Variants in YWHAE observed in about 807,000 individuals in gnomAD.
YWHAE encodes the protein 14-3-3 protein epsilon.
Under a neutral mutation model 30.1 loss-of-function variants are expected in YWHAE, and 4 were observed. The observed-to-expected ratio is 0.13, with a 90% CI of 0.07 to 0.30. The LOEUF is 0.30. Among genes scored for constraint, YWHAE ranks in the 10% least tolerant of loss-of-function variants. The pLI is 1.00. For missense variants in YWHAE, 121 were observed against 315.9 expected, an observed-to-expected ratio of 0.38 and a Z score of 4.68; for synonymous variants, 118 against 111.8, an observed-to-expected ratio of 1.06 and a Z score of -0.35.
chr17:1,388,578 T>G (rs1379927174), intron 1 of YWHAE, among the ~76,000 whole-genome samples: 1 of 147,736 alleles, frequency 6.8e-6, no homozygotes, highest in Non-Finnish European at 1.5e-5. Flanking sequence ...CCCAGCCTTT[T>G]TTTTTTTTTT....
intron 5 of YWHAE, among the ~76,000 whole-genome samples, chr17:1,353,028 A>C (rs573855521): frequency 6.6e-6 from 1 of 152,316 alleles, no homozygotes; most frequent in South Asian, 2.1e-4. Flanking sequence ...ATTTCCTTTA[A>C]AATCAACAAA....
At chr17:1,349,484 A>G (rs1387542581) in intron 5 of YWHAE, among the ~76,000 whole-genome samples, 5 of 152,244 alleles carry the variant, frequency 3.3e-5, no homozygotes, top group African/African-American at 1.2e-4. Context: ...GAACTATTTC[A>G]TGACTGGAAG....
At chr17:1,370,338 A>G (rs62087941) in intron 1 of YWHAE, among the ~76,000 whole-genome samples, 42,045 of 150,842 alleles carry the variant, frequency 0.28, 6,048 homozygotes, top group South Asian at 0.36. Context: ...TCACCATGTT[A>G]GCCAGGACGG....
At chr17:1,383,276 G>C (rs1424313967) in intron 1 of YWHAE, among the ~76,000 whole-genome samples, 3 of 152,048 alleles carry the variant, frequency 2.0e-5, no homozygotes, top group East Asian at 1.9e-4. Flanking sequence ...CTTGATCCTG[G>C]GAGGACGAGG....
At chr17:1,384,784 C>T (rs537809489) in intron 1 of YWHAE, among the ~76,000 whole-genome samples, 71 of 152,168 alleles carry the variant, frequency 4.7e-4, no homozygotes, top group African/African-American at 1.7e-3. Flanking sequence ...CGGCTCACTG[C>T]AACCTCCGCC....
In YWHAE at chr17:1,355,628, T is replaced by C. The variant is rs573347579; in HGVS notation, c.579-1281A>G. ...GAAAATCCACACTTACTGAGTACTG[T>C]GTACTATGTCCAACAAACGATACGA... On this transcript the variant is annotated intron_variant, in intron 4 of 5. Coordinates refer to ENST00000264335, the MANE Select transcript of YWHAE (RefSeq NM_006761.5). Among the ~76,000 whole-genome samples the C allele has an allele frequency of 5.3e-5, 8 of 152,240 alleles. No homozygotes were observed. The South Asian group carries it at 1.7e-3, about 32-fold the overall frequency.
intron 5 of YWHAE, chr17:1,347,919 CA>C (rs2072553629): frequency 1.0e-6 from 1 of 994,402 alleles, no homozygotes; most frequent in Non-Finnish European, 1.2e-6. Flanking sequence ...AGTGAAGAAC[CA>C]AAACTGAAAG....
chr17:1,358,380 C>A (rs538278213), intron 4 of YWHAE, among the ~76,000 whole-genome samples: 20 of 152,256 alleles, frequency 1.3e-4, no homozygotes, highest in African/African-American at 4.3e-4. Context: ...GCTGGGACTA[C>A]AGGCGCCCGC....
rs1450532517 is a variant in YWHAE, at chr17:1,382,841, C to G, written c.64+17206G>C. 2.0e-5 allele frequency among the ~76,000 whole-genome samples: 3 copies of G among 149,970 alleles called. No homozygotes were observed. In the South Asian group the frequency reaches 6.4e-4, roughly 32 times the overall value. ...GGAGATCGAGACCAGCCTGGCCAACCTGGCGAAACCCCATCTCTACTAATA... is the reference window on the plus strand; with the variant it reads ...GGAGATCGAGACCAGCCTGGCCAACGTGGCGAAACCCCATCTCTACTAATA... On this transcript the variant is annotated intron_variant, in intron 1 of 5. Coordinates refer to ENST00000264335, the MANE Select transcript of YWHAE (RefSeq NM_006761.5).
intron 1 of YWHAE, among the ~76,000 whole-genome samples, chr17:1,365,776 CCAA>C (rs2072932460): frequency 6.6e-6 from 1 of 152,152 alleles, no homozygotes; most frequent in South Asian, 2.1e-4. Flanking sequence ...ATGTGGCTCT[CCAA>C]CATTACCCAC....
chr17:1,353,837 GT>G (rs1653753797), intron 5 of YWHAE, among the ~76,000 whole-genome samples: 1 of 151,356 alleles, frequency 6.6e-6, no homozygotes, highest in Admixed American at 6.6e-5. Context: ...TGGGAAACCA[GT>G]TCCCTTTTAG....
At chr17:1,365,517 T>TGGCC (rs957176863) in intron 1 of YWHAE, among the ~76,000 whole-genome samples, 1 of 152,224 alleles carries the variant, frequency 6.6e-6, no homozygotes, top group Non-Finnish European at 1.5e-5. Flanking sequence ...AGTATATGGT[T>TGGCC]GGCCACCAAC....
chr17:1,375,381 T>G (rs2073106855), intron 1 of YWHAE, among the ~76,000 whole-genome samples: 1 of 152,160 alleles, frequency 6.6e-6, no homozygotes, highest in African/African-American at 2.4e-5. Context: ...TCAACACAAC[T>G]AGCATTTCCT....
chr17:1,383,047 G>T (rs1396446740), intron 1 of YWHAE, among the ~76,000 whole-genome samples: 1 of 148,180 alleles, frequency 6.7e-6, no homozygotes, highest in Non-Finnish European at 1.5e-5. Context: ...AAAAAAAAAG[G>T]CAAAACAAAA....
intron 1 of YWHAE, among the ~76,000 whole-genome samples, chr17:1,381,994 GTTA>G (rs1053785726): frequency 2.0e-5 from 3 of 146,814 alleles, no homozygotes; most frequent in Non-Finnish European, 4.4e-5. Context: ...CAAAGAAAAA[GTTA>G]TTAAAGGAGA....
chr17:1,389,716 G>C (rs914414417), intron 1 of YWHAE, among the ~76,000 whole-genome samples: 1 of 151,432 alleles, frequency 6.6e-6, no homozygotes, highest in Admixed American at 6.6e-5. Context: ...ATTTTTAGTA[G>C]AGACAGGGTT....
intron 5 of YWHAE, among the ~76,000 whole-genome samples, chr17:1,349,705 T>TG (rs2072590066): frequency 6.6e-6 from 1 of 151,454 alleles, no homozygotes; most frequent in Non-Finnish European, 1.5e-5. Context: ...GCTCCGCCTC[T>TG]GGGTTCACCC....
In YWHAE at chr17:1,344,499, G is replaced by C. The variant is rs902301081; in HGVS notation, c.*948C>G. Reference sequence around the variant, plus strand: ...TAATACTGTCAGTGTGTTTGGACTAGAGATTTTATTTTAGAAGTATAAAGG... The same window carrying C: ...TAATACTGTCAGTGTGTTTGGACTACAGATTTTATTTTAGAAGTATAAAGG... On this transcript the variant is annotated 3_prime_UTR_variant, in exon 6 of 6. Coordinates refer to ENST00000264335, the MANE Select transcript of YWHAE (RefSeq NM_006761.5). The C allele has an allele frequency of 1.0e-5, 2 of 194,318 alleles. No individual in the cohort carries two copies. Among genetic ancestry groups the C allele is most frequent in the Admixed American group, 6.1e-5 (1 of 16,372 alleles). The allele number at this position is 194,318 out of a possible 1,614,324, so 12.0% of individuals were successfully genotyped here.
chr17:1,382,347 CT>C (rs546696128), intron 1 of YWHAE, among the ~76,000 whole-genome samples: 199 of 119,202 alleles, frequency 1.7e-3, no homozygotes, highest in Middle Eastern at 7.4e-3. Flanking sequence ...CGCGCCCGGC[CT>C]TTTTTTTTTT....
Sources: allele counts gnomAD v4.1 joint callset (sites outside exome capture counted in the v4.1 genomes callset), GRCh38; gene constraint gnomAD v4.1.1; transcripts MANE v1.5; gene names NCBI Gene and HGNC (gene_info 2026-07-23, HGNC 2026-07-21).